SYT2: variants seen among roughly 807,000 people sequenced by gnomAD.
SYT2 encodes synaptotagmin 2, also known as synaptotagmin-2.
Under a neutral mutation model 39.9 loss-of-function variants are expected in SYT2, and 15 were observed. The ratio of observed to expected loss-of-function variants is 0.38; its 90% CI spans 0.25 to 0.58. SYT2 has a LOEUF of 0.58. Ranked by LOEUF, SYT2 falls within the 20% of genes least tolerant of loss-of-function variation. The pLI is 0.70. For missense variants in SYT2, 389 were observed against 530.3 expected (o/e 0.73, Z 2.62); for synonymous variants, 181 against 204.5 (o/e 0.89, Z 0.98).
intron 1 of SYT2, among the ~76,000 whole-genome samples, chr1:202,706,653 C>T (rs1173085564): frequency 1.3e-5 from 2 of 152,228 alleles, no homozygotes; most frequent in African/African-American, 4.8e-5. Context: ...AAAAAAATCT[C>T]TGACTTGATG....
At chr1:202,685,047 C>T (rs557135461) in intron 1 of SYT2, among the ~76,000 whole-genome samples, 48 of 152,220 alleles carry the variant, frequency 3.2e-4, no homozygotes, top group Non-Finnish European at 5.7e-4. Context: ...ACATGGAAGC[C>T]GGGAAGAGAG....
At chr1:202,611,603 T>G (rs1024311197) in intron 1 of SYT2, among the ~76,000 whole-genome samples, 8 of 152,104 alleles carry the variant, frequency 5.3e-5, no homozygotes, top group Admixed American at 2.0e-4. Context: ...TGATCTGGCC[T>G]CCTCGGCCTC....
At chr1:202,603,472 C>G (rs1320436617) in intron 3 of SYT2, among the ~76,000 whole-genome samples, 3 of 152,124 alleles carry the variant, frequency 2.0e-5, no homozygotes, top group African/African-American at 7.2e-5. Context: ...TAAGCCCTCT[C>G]CCAAACACTT....
intron 1 of SYT2, among the ~76,000 whole-genome samples, chr1:202,654,100 T>TCTCTGCCCTTGCC (rs1553340584): frequency 8.5e-5 from 13 of 152,180 alleles, no homozygotes; most frequent in Non-Finnish European, 1.6e-4. Context: ...AATTGAGTGT[T>TCTCTGCCCTTGCC]CAGGTCTCTG....
intron 1 of SYT2, among the ~76,000 whole-genome samples, chr1:202,677,245 C>T (rs1369899554): frequency 1.3e-5 from 2 of 152,150 alleles, no homozygotes; most frequent in African/African-American, 4.8e-5. Context: ...CATCTCCCAT[C>T]CCACATGTTC....
In SYT2 at chr1:202,623,131, AG is replaced by A. The variant is rs1320412576; in HGVS notation, c.-17-17343del. On this transcript the variant is annotated intron_variant, in intron 1 of 8. Transcript: ENST00000367268. This position sits in a 1 kb window ranked among gnomAD's most constrained non-coding sequence, Gnocchi z 4.2. ...GAGGGGGCAGAGGGATGCCCCCGCCAGGCAAGCCCCTCAGCACACCCTCCGC... is the reference window on the plus strand; with the variant it reads ...GAGGGGGCAGAGGGATGCCCCCGCCAGCAAGCCCCTCAGCACACCCTCCGC... 7.2e-5 allele frequency among the ~76,000 whole-genome samples: 11 copies of A among 152,168 alleles called. No individual in the cohort carries two copies. The highest frequency in any genetic ancestry group is 1.6e-4 in the Non-Finnish European group (11 of 68,012).
chr1:202,685,969 C>T (rs1653655119), intron 1 of SYT2, among the ~76,000 whole-genome samples: 1 of 152,058 alleles, frequency 6.6e-6, no homozygotes, highest in East Asian at 1.9e-4. Context: ...AGGAGTGCTC[C>T]TGCCAGGAAA....
At chr1:202,617,303 A>G (rs1220733207) in intron 1 of SYT2, among the ~76,000 whole-genome samples, 1 of 152,092 alleles carries the variant, frequency 6.6e-6, no homozygotes, top group East Asian at 1.9e-4. Context: ...AGGTGATTGG[A>G]TCACAGGGTC....
intron 1 of SYT2, among the ~76,000 whole-genome samples, chr1:202,637,985 A>G (rs1691788428): frequency 6.6e-6 from 1 of 152,224 alleles, no homozygotes; most frequent in South Asian, 2.1e-4. Context: ...AAGGTTTTCC[A>G]CCTAGCAGAT....
chr1:202,635,882 C>T (rs569505211), intron 1 of SYT2, among the ~76,000 whole-genome samples: 18 of 152,286 alleles, frequency 1.2e-4, no homozygotes, highest in Admixed American at 5.9e-4. Context: ...GAGGAGGAAG[C>T]GACAAGGGCA....
intron 1 of SYT2, among the ~76,000 whole-genome samples, chr1:202,629,328 A>C: frequency 6.6e-6 from 1 of 152,100 alleles, no homozygotes; most frequent in African/African-American, 2.4e-5. Context: ...AGATACTGCC[A>C]AGGCTTTCCC....
intron 1 of SYT2, among the ~76,000 whole-genome samples, chr1:202,672,418 A>G (rs1692610032): frequency 6.6e-6 from 1 of 152,114 alleles, no homozygotes; most frequent in Non-Finnish European, 1.5e-5. Context: ...ACCCAGAACC[A>G]CATCTGCCAG....
chr1:202,677,262 T>A (rs189502331), intron 1 of SYT2, among the ~76,000 whole-genome samples: 1 of 152,226 alleles, frequency 6.6e-6, no homozygotes, highest in East Asian at 1.9e-4. Context: ...GTTCTTCTGA[T>A]AATGTGACTT....
Position 202,653,994 on chromosome 1 carries a change from AG to A in SYT2, c.-17-48206del. ...AGAGATGCAAAGTCTGAAGGTGGCC[AG>A]TGGGGCTTCAAGGGCCCTGGCAGCC... is the stretch of plus-strand genomic sequence containing the variant. On this transcript the variant is annotated intron_variant, in intron 1 of 8. Transcript: ENST00000367268. 1.3e-5 allele frequency among the ~76,000 whole-genome samples: 2 copies of A among 152,306 alleles called. 1 individual carries two copies. Among genetic ancestry groups the A allele is most frequent in the African/African-American group, 4.8e-5 (2 of 41,572 alleles).
chr1:202,644,825 T>C (rs1890874), intron 1 of SYT2, among the ~76,000 whole-genome samples: 19,856 of 152,044 alleles, frequency 0.13, 1,860 homozygotes, highest in East Asian at 0.32. Context: ...ATCCCCCTTC[T>C]TCCCCTCCTC....
At chr1:202,703,817 C>T (rs892625604) in intron 1 of SYT2, among the ~76,000 whole-genome samples, 16 of 152,334 alleles carry the variant, frequency 1.1e-4, no homozygotes, top group Non-Finnish European at 2.1e-4. Flanking sequence ...TCTATTTTCC[C>T]ATATGCCTAG....
intron 1 of SYT2, among the ~76,000 whole-genome samples, chr1:202,659,453 G>T (rs1692339738): frequency 6.6e-6 from 1 of 152,168 alleles, no homozygotes; most frequent in African/African-American, 2.4e-5. Flanking sequence ...GACACTGGGG[G>T]CTCTTTGCTG....
rs1465005911 is a variant in SYT2, at chr1:202,594,301, T to G, written c.*2456A>C. Reference sequence around the variant, plus strand: ...CCACCAGAGGTTCCTACCATTGCCTTTCCTCCCTGTCAAGGGAATGCAAAT... The same window carrying G: ...CCACCAGAGGTTCCTACCATTGCCTGTCCTCCCTGTCAAGGGAATGCAAAT... On this transcript the variant is annotated 3_prime_UTR_variant, in exon 9 of 9. Transcript: ENST00000367268. 6.6e-6 allele frequency: 1 copy of G among 152,244 alleles called. No homozygotes were observed. The highest frequency in any genetic ancestry group is 6.5e-5 in the Admixed American group (1 of 15,282). The allele number at this position is 152,244 out of a possible 1,614,324, so 9.4% of individuals were successfully genotyped here. A position where few individuals can be genotyped will look rare whatever the true frequency, so the allele number is the denominator to read the frequency against.
intron 1 of SYT2, among the ~76,000 whole-genome samples, chr1:202,692,452 G>A (rs750683635): frequency 7.2e-5 from 11 of 152,318 alleles, no homozygotes; most frequent in East Asian, 1.9e-4. Context: ...GATGCAAGGC[G>A]CTGACTTTGG....
Sources: allele counts gnomAD v4.1 joint callset (sites outside exome capture counted in the v4.1 genomes callset), GRCh38; gene constraint gnomAD v4.1.1; non-coding constraint Gnocchi (gnomAD v3.1); transcripts MANE v1.5; gene names NCBI Gene and HGNC (gene_info 2026-07-23, HGNC 2026-07-21).